SEC14L2: variants seen among roughly 807,000 people sequenced by gnomAD.
SEC14L2 encodes the protein SEC14-like protein 2.
Under a neutral mutation model 56.9 loss-of-function variants are expected in SEC14L2, and 50 were observed. The observed-to-expected ratio is 0.88, with a 90% confidence interval of 0.70 to 1.11. The LOEUF (loss-of-function observed/expected upper bound fraction) is 1.11, where lower values mean the gene tolerates loss of function less well. Among genes scored for constraint, SEC14L2 ranks in the 50% most tolerant of loss-of-function variants. The pLI is 0.00. For missense variants in SEC14L2, 414 were observed against 500.7 expected (o/e 0.83, Z 1.65); for synonymous variants, 179 against 188.5 (o/e 0.95, Z 0.41).
chr22:30,400,691 C>G (rs145904533), intron 2 of SEC14L2, among the ~76,000 whole-genome samples: 2 of 151,630 alleles, frequency 1.3e-5, no homozygotes, highest in African/African-American at 4.8e-5. Flanking sequence ...GCCAGGACTT[C>G]GAGACCAGCC....
intron 2 of SEC14L2, among the ~76,000 whole-genome samples, chr22:30,405,430 TG>T (rs1934066974): frequency 6.6e-6 from 1 of 152,134 alleles, no homozygotes; most frequent in African/African-American, 2.4e-5. Flanking sequence ...TGGGGGTCAG[TG>T]AGGTCTTTGT....
chr22:30,402,030 T>C (rs1933952514), intron 2 of SEC14L2, among the ~76,000 whole-genome samples: 1 of 152,110 alleles, frequency 6.6e-6, no homozygotes, highest in South Asian at 2.1e-4. Context: ...CTTGTAAACA[T>C]CTGAGGGCAG....
rs373281932 is a variant in SEC14L2, at chr22:30,402,364, CA to C, written c.130+2647del. 5.2e-3 allele frequency among the ~76,000 whole-genome samples: 793 copies of C among 152,262 alleles called. 5 individuals are homozygous for C. The highest frequency in any genetic ancestry group is 0.018 in the African/African-American group (731 of 41,566). On this transcript the variant is annotated intron_variant, in intron 2 of 11. Coordinates refer to ENST00000615189, the MANE Select transcript of SEC14L2 (RefSeq NM_012429.5). ...CAGCAACACAGCTCTCTTACTGAGG[CA>C]GGGGCCAGCCAGGGGTCCTGGCAGC... is the stretch of plus-strand genomic sequence containing the variant.
chr22:30,402,018 T>G (rs1933952169), intron 2 of SEC14L2, among the ~76,000 whole-genome samples: 1 of 152,186 alleles, frequency 6.6e-6, no homozygotes, highest in Non-Finnish European at 1.5e-5. Flanking sequence ...CCTGAGAGGC[T>G]GCTTGTAAAC....
chr22:30,418,969 T>C (rs969231453), intron 11 of SEC14L2, among the ~76,000 whole-genome samples: 1 of 152,222 alleles, frequency 6.6e-6, no homozygotes, highest in Non-Finnish European at 1.5e-5. Flanking sequence ...AAAGTTTGAA[T>C]TGATTTCGCT....
chr22:30,404,009 C>CAA (rs67366822), intron 2 of SEC14L2, among the ~76,000 whole-genome samples: 78 of 93,170 alleles, frequency 8.4e-4, no homozygotes, highest in Non-Finnish European at 1.0e-3. Flanking sequence ...GACTCCGTCT[C>CAA]AAAAAAAAAA....
chr22:30,416,953 T>C, intron 11 of SEC14L2: 1 of 708,054 alleles, frequency 1.4e-6, no homozygotes, highest in Non-Finnish European at 1.7e-6. Context: ...GTAATACCAT[T>C]AAAATTCCCC....
At chr22:30,417,243 T>C (rs1200472530) in intron 11 of SEC14L2, among the ~76,000 whole-genome samples, 1 of 152,240 alleles carries the variant, frequency 6.6e-6, no homozygotes, top group Non-Finnish European at 1.5e-5. Flanking sequence ...AAAAGAACTC[T>C]GGGGAAATTT....
intron 8 of SEC14L2, among the ~76,000 whole-genome samples, chr22:30,414,764 T>TA (rs546093091): frequency 1.4e-3 from 193 of 141,012 alleles, no homozygotes; most frequent in African/African-American, 1.5e-3. Context: ...TTGGGTATTT[T>TA]AAAAAAAAAA....
intron 7 of SEC14L2, among the ~76,000 whole-genome samples, chr22:30,410,023 C>A (rs1782017287): frequency 6.6e-6 from 1 of 152,336 alleles, no homozygotes; most frequent in African/African-American, 2.4e-5. Flanking sequence ...TATAGCAAAA[C>A]CCCATCTCTA....
chr22:30,397,051 G>A lies in SEC14L2; in HGVS notation c.-66G>A. On this transcript the variant is annotated 5_prime_UTR_variant, in exon 1 of 12. In the 5' UTR this introduces an upstream ATG that the reference lacks. Coordinates refer to ENST00000615189, the MANE Select transcript of SEC14L2 (RefSeq NM_012429.5). ...TCCGGGTGGCGGCGAGGACGAGTCT[G>A]TGCTCCATCAGCTGCCGCACCCGCC... The A allele has an allele frequency of 7.1e-7, 1 of 1,412,658 alleles. No homozygotes were observed. Among genetic ancestry groups the A allele is most frequent in the Non-Finnish European group, 9.8e-7 (1 of 1,024,022 alleles). 87.5% of individuals were successfully genotyped at this position (1,412,658 alleles called of 1,614,324 possible).
intron 1 of SEC14L2, among the ~76,000 whole-genome samples, chr22:30,398,991 G>A (rs1439463275): frequency 1.3e-5 from 2 of 152,176 alleles, no homozygotes; most frequent in Non-Finnish European, 2.9e-5. Flanking sequence ...GGAAATGCTT[G>A]GTAAACTGAC....
intron 8 of SEC14L2, among the ~76,000 whole-genome samples, chr22:30,413,802 GT>G (rs60033540): frequency 1.8e-3 from 257 of 144,988 alleles, no homozygotes; most frequent in African/African-American, 4.5e-3. Flanking sequence ...CTCAAGCTCT[GT>G]TTTTTTTTTT....
At chr22:30,414,760 A>AT (rs546433677) in intron 8 of SEC14L2, among the ~76,000 whole-genome samples, 3,543 of 151,122 alleles carry the variant, frequency 0.023, 47 homozygotes, top group Non-Finnish European at 0.037. Flanking sequence ...GAGCTTGGGT[A>AT]TTTTAAAAAA....
intron 2 of SEC14L2, among the ~76,000 whole-genome samples, chr22:30,404,895 C>A (rs1934049224): frequency 6.6e-6 from 1 of 152,076 alleles, no homozygotes; most frequent in East Asian, 1.9e-4. Flanking sequence ...CATGGTGAAA[C>A]CCCATCTCTA....
intron 1 of SEC14L2, among the ~76,000 whole-genome samples, chr22:30,399,298 CGAG>C (rs1216272260): frequency 6.6e-6 from 1 of 151,896 alleles, no homozygotes; most frequent in African/African-American, 2.4e-5. Context: ...CGGATCAGGA[CGAG>C]GTCAGGAGAT....
At chr22:30,416,777 G>T (rs1934402377) in intron 11 of SEC14L2, 1 of 1,234,404 alleles carries the variant, frequency 8.1e-7, no homozygotes, top group East Asian at 3.9e-5. Flanking sequence ...GGGTGGGCAT[G>T]GGATCACAAG....
chr22:30,405,079 A>C (rs1934056970), intron 2 of SEC14L2, among the ~76,000 whole-genome samples: 1 of 151,714 alleles, frequency 6.6e-6, no homozygotes, highest in Non-Finnish European at 1.5e-5. Context: ...AAAAAAAAAA[A>C]GAAAAGAAAA....
intron 11 of SEC14L2, 179 bp downstream of exon 11, chr22:30,416,582 AC>A: frequency 1.3e-6 from 2 of 1,485,872 alleles, no homozygotes; most frequent in Non-Finnish European, 1.8e-6. Context: ...GTTTATGGTG[AC>A]CCAACTGGTT....
Sources: gnomAD v4.1 joint callset for allele counts (sites outside exome capture counted in the v4.1 genomes callset) on GRCh38, gnomAD v4.1.1 for gene constraint, MANE v1.5 for transcripts, NCBI Gene and HGNC (gene_info 2026-07-23, HGNC 2026-07-21) for gene names.